The following QTMAN variants were observed in gnomAD, a reference collection of about 807,000 sequenced individuals.
The protein encoded by QTMAN is queuosine-tRNA mannosyltransferase.
chr2:143,974,606 T>C, the QTMAN span, among the ~76,000 whole-genome samples: 1 of 152,200 alleles, frequency 6.6e-6, no homozygotes, highest in Non-Finnish European at 1.5e-5. Context: ...AATCTGTTTT[T>C]CTAAGACAAA....
the QTMAN span, among the ~76,000 whole-genome samples, chr2:144,282,565 TCA>T: frequency 6.6e-6 from 1 of 152,016 alleles, no homozygotes; most frequent in Non-Finnish European, 1.5e-5. Context: ...GGCATCAGCA[TCA>T]CAGAGATCCT....
chr2:143,960,787 C>A, the QTMAN span, among the ~76,000 whole-genome samples: 1 of 151,624 alleles, frequency 6.6e-6, no homozygotes, highest in Non-Finnish European at 1.5e-5. Flanking sequence ...GCACATGTAA[C>A]CCCCTGAACC....
the QTMAN span, chr2:143,939,060 T>G: frequency 6.6e-6 from 1 of 152,230 alleles, no homozygotes; most frequent in African/African-American, 2.4e-5. Flanking sequence ...CCCTTCCCCT[T>G]CTAATACCTA....
At chr2:144,134,643 T>C in the QTMAN span, among the ~76,000 whole-genome samples, 1 of 152,122 alleles carries the variant, frequency 6.6e-6, no homozygotes, top group South Asian at 2.1e-4. Context: ...CGTGAAAATA[T>C]ATGAAATTCT....
At chr2:144,023,285 A>G in the QTMAN span, among the ~76,000 whole-genome samples, 1 of 151,900 alleles carries the variant, frequency 6.6e-6, no homozygotes, top group South Asian at 2.1e-4. Context: ...GTTTGAATCC[A>G]GGTTTTATTC....
chr2:144,175,513 TA>T, the QTMAN span, among the ~76,000 whole-genome samples: 1 of 152,152 alleles, frequency 6.6e-6, no homozygotes, highest in Non-Finnish European at 1.5e-5. Context: ...CCACTATCCC[TA>T]CCCTCCAAAT....
the QTMAN span, among the ~76,000 whole-genome samples, chr2:144,149,709 C>A: frequency 1.3e-5 from 2 of 152,076 alleles, no homozygotes; most frequent in Admixed American, 1.3e-4. Context: ...GTACACGTTT[C>A]GATTGTTTCC....
At chr2:144,320,793 T>A in the QTMAN span, among the ~76,000 whole-genome samples, 1 of 152,216 alleles carries the variant, frequency 6.6e-6, no homozygotes, top group African/African-American at 2.4e-5. Flanking sequence ...CTAACAGCCA[T>A]CCTGCATGGT....
At chr2:144,272,192 TA>T in the QTMAN span, among the ~76,000 whole-genome samples, 20 of 152,264 alleles carry the variant, frequency 1.3e-4, no homozygotes, top group African/African-American at 4.1e-4. Flanking sequence ...ATTGTCACAA[TA>T]GGGGGAAAAA....
the QTMAN span, among the ~76,000 whole-genome samples, chr2:144,043,065 C>G: frequency 2.0e-5 from 3 of 152,292 alleles, no homozygotes; most frequent in African/African-American, 4.8e-5. Flanking sequence ...CTGAGGAAGA[C>G]AGCATCTGTC....
chr2:144,305,944 T>G, the QTMAN span, among the ~76,000 whole-genome samples: 1 of 152,244 alleles, frequency 6.6e-6, no homozygotes, highest in Admixed American at 6.5e-5. Context: ...TTCTAATACA[T>G]TTTGGTGATT....
chr2:144,148,824 G>A, the QTMAN span, among the ~76,000 whole-genome samples: 1 of 151,762 alleles, frequency 6.6e-6, no homozygotes, highest in Non-Finnish European at 1.5e-5. Flanking sequence ...GACTGCCCAC[G>A]CCAACACTTC....
the QTMAN span, among the ~76,000 whole-genome samples, chr2:144,283,810 T>C: frequency 6.6e-6 from 1 of 152,042 alleles, no homozygotes; most frequent in African/African-American, 2.4e-5. Context: ...CTACCATCCA[T>C]TGAAAAGAAT....
the QTMAN span, among the ~76,000 whole-genome samples, chr2:144,061,924 C>T: frequency 6.6e-6 from 1 of 152,086 alleles, no homozygotes; most frequent in Admixed American, 6.6e-5. Flanking sequence ...GCGGGATTGC[C>T]GAACTCCAGG....
chr2:144,100,805 G>C, the QTMAN span, among the ~76,000 whole-genome samples: 1 of 149,998 alleles, frequency 6.7e-6, no homozygotes, highest in East Asian at 2.0e-4. Flanking sequence ...GAAAAGACTT[G>C]GCTACAATAT....
the QTMAN span, among the ~76,000 whole-genome samples, chr2:144,097,844 T>G: frequency 6.6e-6 from 1 of 152,208 alleles, no homozygotes; most frequent in African/African-American, 2.4e-5. Context: ...TCCAAGTTCC[T>G]CATCTTTTCC....
At chr2:144,066,209 T>C in the QTMAN span, among the ~76,000 whole-genome samples, 1 of 152,086 alleles carries the variant, frequency 6.6e-6, no homozygotes, top group African/African-American at 2.4e-5. Context: ...TTTGAACCAA[T>C]AAAGCTAGGG....
chr2:144,090,000 T>A, the QTMAN span, among the ~76,000 whole-genome samples: 1 of 152,076 alleles, frequency 6.6e-6, no homozygotes, highest in East Asian at 1.9e-4. Context: ...ATAAAAAATT[T>A]AAAAAATATA....
At chr2:144,051,470 T>C in the QTMAN span, among the ~76,000 whole-genome samples, 1 of 152,138 alleles carries the variant, frequency 6.6e-6, no homozygotes, top group Non-Finnish European at 1.5e-5. Context: ...TAGTGAACGA[T>C]GATCATGCTA....
Sources: gnomAD v4.1 joint callset for allele counts (sites outside exome capture counted in the v4.1 genomes callset) on GRCh38, gnomAD v4.1.1 for gene constraint, MANE v1.5 for transcripts, NCBI Gene and HGNC (gene_info 2026-07-23, HGNC 2026-07-21) for gene names.